The following UBR2 variants were observed in gnomAD, a reference collection of about 807,000 sequenced individuals.
UBR2 encodes E3 ubiquitin-protein ligase UBR2.
A neutral mutation model predicts 247.9 loss-of-function variants in UBR2; 92 were observed. The observed-to-expected ratio is 0.37, with a 90% confidence interval of 0.31 to 0.44. The LOEUF is 0.44. Among genes scored for constraint, UBR2 ranks in the 20% least tolerant of loss-of-function variants. The pLI, the probability that UBR2 is intolerant of heterozygous loss-of-function variation, is 1.00. For synonymous variants in UBR2, 672 were observed against 693.5 expected (o/e 0.97, Z 0.49); for missense variants, 1,613 against 2,112.6 (o/e 0.76, Z 4.64).
rs772815366 is a variant in UBR2, at chr6:42,684,794, A to G, written c.4776A>G (p.Arg1592=). ...TCTTTAATTTTTCTCTTTTTTTCAG[A>G]TATCCAAGAGAATCTAACAAATTAA... ...RYLEGERDAI[R]YPRESNKLIN... The change falls in exon 44 of 47, where the codon AGA becomes AGG. Residue 1592 remains arginine (R), a splice_region_variant and synonymous_variant. Transcript: ENST00000372901. The G allele has an allele frequency of 1.9e-6, 3 of 1,602,230 alleles. No individual in the cohort carries two copies. Among genetic ancestry groups the G allele is most frequent in the East Asian group, 2.2e-5 (1 of 44,670 alleles).
At chr6:42,686,409 T>A (rs1224635316) in intron 44 of UBR2, among the ~76,000 whole-genome samples, 1 of 151,784 alleles carries the variant, frequency 6.6e-6, no homozygotes, top group Admixed American at 6.6e-5. Context: ...AGGTTATAGA[T>A]TAACAGCATC....
At chr6:42,652,444 A>G in intron 24 of UBR2, 47 bp from the exon 25 acceptor site, 1 of 1,551,394 alleles carries the variant, frequency 6.4e-7, no homozygotes, top group Non-Finnish European at 8.7e-7. Context: ...GATAGTTTCT[A>G]AAGCATGTTC....
chr6:42,638,444 A>AT lies in UBR2; in HGVS notation c.1858+1253dup, dbSNP rs1796239812. ...TGGGTATATTATTGAAGTCATGGTA[A>AT]TTTAAGATAATTACTTACTCTGAGG... On this transcript the variant is annotated intron_variant, in intron 15 of 46. Transcript: ENST00000372901. Among the ~76,000 whole-genome samples the AT allele has an allele frequency of 7.9e-5, 12 of 152,274 alleles. 1 individual carries two copies. The South Asian group carries it at 2.5e-3, about 32-fold the overall frequency.
chr6:42,683,200 C>T, intron 43 of UBR2, 89 bp downstream of exon 43: 7 of 1,109,976 alleles, frequency 6.3e-6, no homozygotes, highest in Non-Finnish European at 9.2e-6. Context: ...AAACTGACTT[C>T]TCAAGCCTTT....
intron 11 of UBR2, among the ~76,000 whole-genome samples, chr6:42,631,435 G>C (rs542188396): frequency 6.6e-6 from 1 of 152,280 alleles, no homozygotes; most frequent in South Asian, 2.1e-4. Context: ...AGAAATTGTT[G>C]AGCCTCTTTG....
chr6:42,605,952 T>G (rs1238431338), intron 6 of UBR2, 93 bp downstream of exon 6: 2 of 1,105,860 alleles, frequency 1.8e-6, no homozygotes, highest in Non-Finnish European at 2.5e-6. Flanking sequence ...GATATATATA[T>G]CTAGGCTTTT....
intron 42 of UBR2, among the ~76,000 whole-genome samples, chr6:42,680,275 C>T (rs531729205): frequency 2.6e-5 from 4 of 152,278 alleles, no homozygotes; most frequent in East Asian, 3.9e-4. Context: ...TGTGAGCCAC[C>T]GCACCTGGCC....
At chr6:42,663,195 C>T (rs1797918868) in intron 31 of UBR2, 63 bp from the exon 32 acceptor site, 4 of 1,324,406 alleles carry the variant, frequency 3.0e-6, no homozygotes, top group Admixed American at 5.4e-5. Flanking sequence ...AATGTTGAAG[C>T]TTATGGCTGT....
intron 2 of UBR2, among the ~76,000 whole-genome samples, chr6:42,591,091 A>G (rs1285646340): frequency 6.6e-6 from 1 of 152,210 alleles, no homozygotes; most frequent in Admixed American, 6.5e-5. Context: ...GTCTCTAGTA[A>G]AAATACAAAA....
At chr6:42,674,327 G>A in intron 38 of UBR2, 134 bp downstream of exon 38, 3 of 778,430 alleles carry the variant, frequency 3.9e-6, no homozygotes, top group Non-Finnish European at 5.9e-6. Context: ...ATTCTTTTAT[G>A]AGAAACCTCA....
chr6:42,648,253 C>T (rs1422296879), intron 22 of UBR2, 83 bp downstream of exon 22: 1 of 1,151,582 alleles, frequency 8.7e-7, no homozygotes. Flanking sequence ...TTTGATGCAA[C>T]TGAGAATGAA....
At position 42,678,455 on chromosome 6, in the gene UBR2, A is replaced by C. The variant is rs1289192746; in HGVS notation, c.4479-84A>C. ...TAAGCATACATGCCATCAGTTCCAA[A>C]TGACAGTCAAGTCTGTTTTCACACT... On this transcript the variant is annotated intron_variant, in intron 40 of 46. Coordinates refer to ENST00000372901, the MANE Select transcript of UBR2 (RefSeq NM_001363705.2). 4 of 1,444,838 alleles carry C rather than the reference A, an allele frequency of 2.8e-6. No homozygotes were observed. In the South Asian group the frequency reaches 4.3e-5, roughly 16 times the overall value. 89.5% of individuals were successfully genotyped at this position (1,444,838 alleles called of 1,614,324 possible).
chr6:42,667,974 G>T (rs1798220361), intron 34 of UBR2, among the ~76,000 whole-genome samples: 1 of 151,750 alleles, frequency 6.6e-6, no homozygotes, highest in South Asian at 2.1e-4. Context: ...GCCCAGGCTG[G>T]TCTCAAACTC....
In UBR2 at chr6:42,644,579, G is replaced by A. The variant is rs144622843; in HGVS notation, c.2284+43G>A. The A allele has an allele frequency of 5.9e-4, 897 of 1,512,432 alleles. 4 individuals are homozygous for A. In the East Asian group the frequency reaches 0.016, roughly 26 times the overall value. The allele number at this position is 1,512,432 out of a possible 1,614,324, so 93.7% of individuals were successfully genotyped here. ...GAGGCATTTAATAAATTACACTGACGTTTATAGTAGCAAATAGTTTGGAAT... is the reference window on the plus strand; with the variant it reads ...GAGGCATTTAATAAATTACACTGACATTTATAGTAGCAAATAGTTTGGAAT... On this transcript the variant is annotated intron_variant, in intron 20 of 46. Transcript: ENST00000372901.
At position 42,659,877 on chromosome 6, in the gene UBR2, A is replaced by C; in HGVS notation, c.3442+22A>C. The C allele has an allele frequency of 3.7e-6, 6 of 1,607,990 alleles. No homozygotes were observed. The highest frequency in any genetic ancestry group is 1.3e-5 in the African/African-American group (1 of 74,882). ...CCAGGTAAGTCATAGCTAGATCCTC[A>C]TCTTCCCTTTTAATAACAACTGCCA... On this transcript the variant is annotated intron_variant, in intron 30 of 46. Transcript: ENST00000372901. This position sits in a 1 kb window ranked among gnomAD's most constrained non-coding sequence, Gnocchi z 4.3.
intron 1 of UBR2, among the ~76,000 whole-genome samples, chr6:42,567,996 A>G (rs996332392): frequency 6.6e-6 from 1 of 152,168 alleles, no homozygotes; most frequent in Non-Finnish European, 1.5e-5. Context: ...ACAGTGAGCT[A>G]TGATCATGCC....
chr6:42,619,301 A>C (rs372659811), intron 11 of UBR2, among the ~76,000 whole-genome samples: 40 of 150,580 alleles, frequency 2.7e-4, no homozygotes, highest in African/African-American at 9.7e-4. Context: ...TTTAGGAAGC[A>C]CTAACATCTT....
In UBR2 at chr6:42,642,365, A is replaced by C. The variant is rs1796498737; in HGVS notation, c.2032-51A>C. On this transcript the variant is annotated intron_variant, in intron 17 of 46. Coordinates refer to ENST00000372901, the MANE Select transcript of UBR2 (RefSeq NM_001363705.2). ...GTGCTTTTGGGGAAGGATTAGAGAG[A>C]GCCTGAGCCAATAAAAACTATTTAC... 5 of 1,304,464 alleles carry C rather than the reference A, an allele frequency of 3.8e-6. No individual in the cohort carries two copies. The Admixed American group carries it at 9.8e-5, about 26-fold the overall frequency. The allele number at this position is 1,304,464 out of a possible 1,614,324, so 80.8% of individuals were successfully genotyped here. A position where few individuals can be genotyped will look rare whatever the true frequency, so the allele number is the denominator to read the frequency against.
intron 11 of UBR2, 121 bp from the exon 12 acceptor site, chr6:42,632,431 T>C (rs1405200674): frequency 2.5e-6 from 2 of 801,560 alleles, no homozygotes; most frequent in East Asian, 5.9e-5. Flanking sequence ...GCATTTATGA[T>C]ATATAGTTGT....
Sources: gnomAD v4.1 joint callset for allele counts (sites outside exome capture counted in the v4.1 genomes callset) on GRCh38, gnomAD v4.1.1 for gene constraint, Gnocchi (gnomAD v3.1) non-coding constraint, MANE v1.5 for transcripts, NCBI Gene and HGNC (gene_info 2026-07-23, HGNC 2026-07-21) for gene names.